WNT5B: variants seen among roughly 807,000 people sequenced by gnomAD.
WNT5B encodes the protein protein Wnt-5b.
WNT5B carries 18 observed loss-of-function variants against 36.5 expected under a neutral mutation model. That is an observed-to-expected ratio of 0.49 (90% CI 0.34 to 0.73). The LOEUF (loss-of-function observed/expected upper bound fraction) is 0.73. Ranked by LOEUF, WNT5B falls within the 30% of genes least tolerant of loss-of-function variation. WNT5B has a pLI of 0.01. For synonymous variants in WNT5B, 213 were observed against 212.3 expected, an observed-to-expected ratio of 1.00 and a Z score of -0.03; for missense variants, 424 against 508.4, an observed-to-expected ratio of 0.83 and a Z score of 1.60.
chr12:1,631,503 A>G, intron 2 of WNT5B, 69 bp downstream of exon 2: 1 of 1,609,552 alleles, frequency 6.2e-7, no homozygotes, highest in East Asian at 2.2e-5. Context: ...GATGAGGAGG[A>G]AGGGCACCGT....
rs1253304564 is a variant in WNT5B, at chr12:1,618,481, A to G, written c.-58+1338A>G. On this transcript the variant is annotated intron_variant, in intron 1 of 4. Coordinates refer to the WNT5B transcript ENST00000310594. The surrounding 1 kb of genome is among the most constrained non-coding windows in gnomAD (Gnocchi z 4.1). Reference sequence around the variant, plus strand: ...GTGAAAATAGATTACTTGCAGGACAAGAGCATCTAAACACCCCTCAATCCT... The same window carrying G: ...GTGAAAATAGATTACTTGCAGGACAGGAGCATCTAAACACCCCTCAATCCT... Among the ~76,000 whole-genome samples, 2 of 152,332 alleles carry G rather than the reference A, an allele frequency of 1.3e-5. No individual in the cohort carries two copies. Among genetic ancestry groups the G allele is most frequent in the East Asian group, 3.9e-4 (2 of 5,194 alleles).
At chr12:1,640,177 T>TTTTTC (rs1237621515) in intron 4 of WNT5B, among the ~76,000 whole-genome samples, 2 of 152,234 alleles carry the variant, frequency 1.3e-5, no homozygotes, top group East Asian at 1.9e-4. Flanking sequence ...GCATACGTGC[T>TTTTTC]TTTTCTTTTC....
intron 1 of WNT5B, among the ~76,000 whole-genome samples, chr12:1,623,219 G>A (rs1178756150): frequency 1.2e-4 from 5 of 42,192 alleles, no homozygotes; most frequent in Non-Finnish European, 1.9e-4. Context: ...TTTTTGAGAC[G>A]GAGTCTCGCT....
rs1313808787 is a variant in WNT5B at position 1,644,039 on chromosome 12, G to A, written c.622-1755G>A. ...TTGCCCCTGCAAGAGATGCTTATCCGTGCTCCGAGTTGCTAAGTGGCAAAG... is the reference window on the plus strand; with the variant it reads ...TTGCCCCTGCAAGAGATGCTTATCCATGCTCCGAGTTGCTAAGTGGCAAAG... On this transcript the variant is annotated intron_variant, in intron 4 of 4. Coordinates refer to ENST00000397196, the MANE Select transcript of WNT5B (RefSeq NM_032642.3). The surrounding 1 kb of genome is among the most constrained non-coding windows in gnomAD (Gnocchi z 5.1). 6.6e-6 allele frequency among the ~76,000 whole-genome samples: 1 copy of A among 152,038 alleles called. No individual in the cohort carries two copies. The highest frequency in any genetic ancestry group is 1.5e-5 in the Non-Finnish European group (1 of 68,026).
intron 4 of WNT5B, among the ~76,000 whole-genome samples, chr12:1,643,260 T>A (rs1190102652): frequency 6.6e-6 from 1 of 152,186 alleles, no homozygotes; most frequent in Non-Finnish European, 1.5e-5. Context: ...GCCTGGTGCC[T>A]AATCCTGTAA....
intron 4 of WNT5B, among the ~76,000 whole-genome samples, chr12:1,642,709 CTTAA>C (rs1428832184): frequency 6.6e-6 from 1 of 152,154 alleles, no homozygotes; most frequent in Non-Finnish European, 1.5e-5. Context: ...CTTTATTGCC[CTTAA>C]TTGTTTGTTG....
At position 1,631,297 on chromosome 12, in the gene WNT5B, G is replaced by T; in HGVS notation, c.-57-1G>T. The T allele has an allele frequency of 6.2e-7, 1 of 1,602,896 alleles. No individual in the cohort carries two copies. Among genetic ancestry groups the T allele is most frequent in the South Asian group, 1.1e-5 (1 of 90,482 alleles). ...TGACTCTCCATTTCTGTTTTCTCCA[G>T]GGAACCCTACTCTGGAAACTGTCAG... On this transcript the variant is annotated splice_acceptor_variant, in intron 1 of 4. Coordinates refer to ENST00000397196, the MANE Select transcript of WNT5B (RefSeq NM_032642.3). LOFTEE classifies it low-confidence loss of function (5UTR_SPLICE).
At chr12:1,620,285 T>C (rs1565602069) in intron 1 of WNT5B, among the ~76,000 whole-genome samples, 2 of 152,304 alleles carry the variant, frequency 1.3e-5, no homozygotes, top group Non-Finnish European at 2.9e-5. Flanking sequence ...TAACCACCAA[T>C]GTGTGGGTCC....
chr12:1,622,704 C>T (rs2154439287), intron 1 of WNT5B, among the ~76,000 whole-genome samples: 1 of 152,332 alleles, frequency 6.6e-6, no homozygotes, highest in South Asian at 2.1e-4. Context: ...TCTAGCAACT[C>T]CCACATACCC....
chr12:1,626,541 G>A (rs1351876310), upstream of WNT5B, among the ~76,000 whole-genome samples: 3 of 148,834 alleles, frequency 2.0e-5, no homozygotes, highest in East Asian at 2.0e-4. Flanking sequence ...GGGATTACAG[G>A]CGTGAGCCAC....
chr12:1,634,276 C>T (rs987074213), intron 3 of WNT5B, among the ~76,000 whole-genome samples: 6 of 152,128 alleles, frequency 3.9e-5, no homozygotes, highest in African/African-American at 1.2e-4. Context: ...TTCTTTCTGG[C>T]GAAAATCTTG....
chr12:1,623,187 GTTTTTT>G (rs771500550), intron 1 of WNT5B, among the ~76,000 whole-genome samples: 2 of 58,366 alleles, frequency 3.4e-5, no homozygotes, highest in African/African-American at 1.4e-4. Flanking sequence ...GTTTTTTGTT[GTTTTTT>G]TTTTTTTTTT....
chr12:1,636,924 T>A (rs1349979134), intron 3 of WNT5B, among the ~76,000 whole-genome samples: 3 of 152,046 alleles, frequency 2.0e-5, no homozygotes, highest in Admixed American at 2.0e-4. Context: ...GCCAAGCGGG[T>A]CTCGAACTCC....
intron 3 of WNT5B, 39 bp from the exon 4 acceptor site, chr12:1,639,645 G>A (rs762747706): frequency 1.4e-6 from 2 of 1,458,154 alleles, no homozygotes; most frequent in Non-Finnish European, 1.8e-6. Flanking sequence ...CCCGGGAGAG[G>A]AGAGCGCACC....
At position 1,622,271 on chromosome 12, in the gene WNT5B, C is replaced by T. The variant is rs145718803; in HGVS notation, c.-58+5128C>T. Among the ~76,000 whole-genome samples the T allele has an allele frequency of 9.7e-3, 1,481 of 152,132 alleles. 40 individuals carry two copies. The highest frequency in any genetic ancestry group is 8.1e-3 in the Non-Finnish European group (550 of 67,984). ...GACTACAGGCGCCCGCCACCACGCC[C>T]GGCTAATTTTTTGTATTTTTAGTAG... On this transcript the variant is annotated intron_variant, in intron 1 of 4. Coordinates refer to the WNT5B transcript ENST00000310594.
chr12:1,642,215 C>G (rs2094576754), intron 4 of WNT5B, among the ~76,000 whole-genome samples: 1 of 152,206 alleles, frequency 6.6e-6, no homozygotes, highest in African/African-American at 2.4e-5. Flanking sequence ...TCTTGGCTGT[C>G]TCCCAGTCTA....
In WNT5B at chr12:1,636,488, T is replaced by C. The variant is rs181029446; in HGVS notation, c.329-3196T>C. On this transcript the variant is annotated intron_variant, in intron 3 of 4. Transcript: ENST00000397196. Reference sequence around the variant, plus strand: ...GCACAATGATTTAAAGGTTCATCTGTGTTGCAGTCTATATATATATATATA... The same window carrying C: ...GCACAATGATTTAAAGGTTCATCTGCGTTGCAGTCTATATATATATATATA... 9.0e-3 allele frequency among the ~76,000 whole-genome samples: 1,240 copies of C among 138,318 alleles called. 22 individuals are homozygous for C. Among genetic ancestry groups the C allele is most frequent in the African/African-American group, 0.031 (1,165 of 37,078 alleles). The allele number at this position is 138,318 out of a possible 152,430, so 90.7% of individuals were successfully genotyped here. A position where few individuals can be genotyped will look rare whatever the true frequency, so the allele number is the denominator to read the frequency against.
rs772952305 is a variant in WNT5B at position 1,639,899 on chromosome 12, G to A, written c.544G>A (p.Glu182Lys). ...GGAGTTTGTGGATGCCCGGGAGCGA[G>A]AGAAGAACTTTGCCAAAGGATCAGA... ...AKEFVDARER[E>K]KNFAKGSEEQ... The change falls in exon 4 of 5, where the codon GAG (glutamate) becomes AAG (lysine). Residue 182 changes from glutamate to lysine, a missense_variant. Transcript: ENST00000397196. 4 of 1,614,126 alleles carry A rather than the reference G, an allele frequency of 2.5e-6. No homozygotes were observed. Among genetic ancestry groups the A allele is most frequent in the South Asian group, 2.2e-5 (2 of 91,080 alleles).
chr12:1,640,016 T>C (rs374571917), intron 4 of WNT5B, 40 bp downstream of exon 4: 1 of 1,573,010 alleles, frequency 6.4e-7, no homozygotes, highest in Non-Finnish European at 8.6e-7. Flanking sequence ...ACTGCAGACC[T>C]AGGGGGCTGT....
Sources: allele counts gnomAD v4.1 joint callset (sites outside exome capture counted in the v4.1 genomes callset), GRCh38; gene constraint gnomAD v4.1.1; non-coding constraint Gnocchi (gnomAD v3.1); transcripts MANE v1.5; gene names NCBI Gene and HGNC (gene_info 2026-07-23, HGNC 2026-07-21).